Variants in TMEM150B observed in about 807,000 individuals in gnomAD.
The protein encoded by TMEM150B is transmembrane protein 150B.
Under a neutral mutation model 25.2 loss-of-function variants are expected in TMEM150B, and 33 were observed. That is an observed-to-expected ratio of 1.31 (90% CI 0.99 to 1.75). The LOEUF is 1.75. Among genes scored for constraint, TMEM150B ranks in the 40% most tolerant of loss-of-function variants. The pLI is 0.00. For missense variants in TMEM150B, 322 were observed against 306.1 expected (o/e 1.05, Z -0.39); for synonymous variants, 133 against 134.8 (o/e 0.99, Z 0.09).
downstream of TMEM150B, among the ~76,000 whole-genome samples, chr19:55,311,161 C>T (rs1269108136): frequency 6.6e-6 from 1 of 152,114 alleles, no homozygotes; most frequent in Admixed American, 6.5e-5. Flanking sequence ...GGGGTTTCAC[C>T]ATGTTGGCCA....
At position 55,316,940 on chromosome 19, in the gene TMEM150B, C is replaced by G; in HGVS notation, c.351G>C (p.Leu117Phe). Residue 117 changes from leucine to phenylalanine, a missense_variant, in exon 7 of 8, where the codon TTG becomes TTC. By Grantham distance (22) the Leu-to-Phe change is conservative. Coordinates refer to ENST00000326652, the MANE Select transcript of TMEM150B (RefSeq NM_001282011.2). The part of the protein sequence containing the change: ...FQEKNQRPTH[L>F]AGAFLAFILG... ...AGATGAAGGCAAGGAAGGCCCCTGC[C>G]AAGTGCGTAGGCCGCTGGTTCTTTT... 6.2e-7 allele frequency: 1 copy of G among 1,605,168 alleles called. No homozygotes were observed. Among genetic ancestry groups the G allele is most frequent in the East Asian group, 2.2e-5 (1 of 44,494 alleles).
chr19:55,320,273 C>T (rs1159556883), intron 5 of TMEM150B, 107 bp from the exon 6 acceptor site: 2 of 1,516,214 alleles, frequency 1.3e-6, no homozygotes, highest in East Asian at 2.3e-5. Context: ...GGCAAACTCC[C>T]GGATTTTGGG....
rs376782617 is a variant in TMEM150B at position 55,312,961 on chromosome 19, G to A, written c.600C>T (p.Ala200=). 1,108 of 1,613,572 alleles carry A rather than the reference G, an allele frequency of 6.9e-4. 1 individual carries two copies. Among genetic ancestry groups the A allele is most frequent in the Non-Finnish European group, 8.7e-4 (1,028 of 1,179,842 alleles). ...MLLFALFGLL[A]VDFSALESCT... is the part of the protein sequence containing the mutation. The stretch of plus-strand genomic sequence containing the variant: ...AGCTCTCCAGGGCGGAGAAGTCAAC[G>A]GCTAAGAGACCGAAGAGCGCGAACA... The change falls in exon 8 of 8, where the codon GCC becomes GCT. Residue 200 remains alanine (A), a synonymous_variant. Transcript: ENST00000326652.
chr19:55,314,958 A>G (rs953676062), intron 7 of TMEM150B, among the ~76,000 whole-genome samples: 1 of 152,180 alleles, frequency 6.6e-6, no homozygotes, highest in African/African-American at 2.4e-5. Flanking sequence ...ACAAATGAGA[A>G]AGACCCCCCA....
downstream of TMEM150B, chr19:55,312,115 G>A (rs568641748): frequency 1.7e-5 from 14 of 815,674 alleles, no homozygotes; most frequent in Middle Eastern, 7.6e-4. Context: ...CCCCCCTTCC[G>A]TGCCCCCCAA....
intron 6 of TMEM150B, among the ~76,000 whole-genome samples, chr19:55,317,298 C>T (rs1465106326): frequency 6.6e-6 from 1 of 152,122 alleles, no homozygotes; most frequent in Non-Finnish European, 1.5e-5. Context: ...TTAAATATTA[C>T]AATTGTATGT....
chr19:55,320,178 G>C lies in TMEM150B; in HGVS notation c.197-12C>G, dbSNP rs536223140. 15 of 1,613,102 alleles carry C rather than the reference G, an allele frequency of 9.3e-6. No individual in the cohort carries two copies. Among genetic ancestry groups the C allele is most frequent in the Non-Finnish European group, 1.2e-5 (14 of 1,179,398 alleles). On this transcript the variant is annotated splice_polypyrimidine_tract_variant and intron_variant, in intron 5 of 7. Transcript: ENST00000326652. ...GCAGATCCACGCGGCTGGGAGTAGA[G>C]GGGAGAAGGAAGTGGGAGGGAGACC...
intron 6 of TMEM150B, 59 bp from the exon 7 acceptor site, chr19:55,317,025 A>C: frequency 6.6e-7 from 1 of 1,514,076 alleles, no homozygotes; most frequent in Admixed American, 2.5e-5. Flanking sequence ...AAGGGGCACC[A>C]GAGGGGCCAG....
chr19:55,310,711 A>C (rs1312314710), downstream of TMEM150B, among the ~76,000 whole-genome samples: 1 of 152,180 alleles, frequency 6.6e-6, no homozygotes, highest in Non-Finnish European at 1.5e-5. The surrounding 1 kb of genome is among the most constrained non-coding windows in gnomAD (Gnocchi z 5.0). Context: ...CCCAAATGGC[A>C]GTCGTGCTGA....
chr19:55,310,667 C>T (rs755773944), downstream of TMEM150B, among the ~76,000 whole-genome samples: 9 of 152,182 alleles, frequency 5.9e-5, no homozygotes, highest in Non-Finnish European at 8.8e-5. The surrounding 1 kb of genome is among the most constrained non-coding windows in gnomAD (Gnocchi z 5.0). Flanking sequence ...AAACACCCTA[C>T]AATTCACAGA....
At chr19:55,314,977 T>G (rs1489255312) in intron 7 of TMEM150B, among the ~76,000 whole-genome samples, 1 of 151,996 alleles carries the variant, frequency 6.6e-6, no homozygotes, top group Non-Finnish European at 1.5e-5. Flanking sequence ...CAAGGCTGGG[T>G]TTTCAGCCCC....
At position 55,320,874 on chromosome 19, in the gene TMEM150B, A is replaced by C. The variant is rs1015945777; in HGVS notation, c.68+95T>G. On this transcript the variant is annotated intron_variant, in intron 3 of 7. Transcript: ENST00000326652. ...CCTCCTCCCTCAGATCCAGGGATCC[A>C]GGCCCCCAACCCCTTCCTCCCTCAG... The C allele has an allele frequency of 3.5e-6, 5 of 1,439,788 alleles. No homozygotes were observed. In the African/African-American group the frequency reaches 7.3e-5, roughly 21 times the overall value. The allele number at this position is 1,439,788 out of a possible 1,614,324, so 89.2% of individuals were successfully genotyped here.
At chr19:55,312,091 G>C, downstream of TMEM150B, 1 of 1,342,812 alleles carries the variant, frequency 7.4e-7, no homozygotes, top group Non-Finnish European at 9.8e-7. Context: ...GGGGAGGGAG[G>C]GGACCCCCCT....
Position 55,312,878 on chromosome 19 carries a change from G to T in TMEM150B, c.683C>A (p.Ser228Tyr). ...SLSPPPASPI[S>Y]LPVQL The stretch of plus-strand genomic sequence containing the variant: ...TGCCTGCTACAGCTGGACCGGCAGG[G>T]AGATGGGGGAGGCCGGCGGGGGGCT... The change falls in exon 8 of 8, where the codon TCC (serine) becomes TAC (tyrosine). Residue 228 changes from serine to tyrosine, a missense_variant. Ser to Tyr is a moderately radical substitution (Grantham distance 144, BLOSUM62 -2). Transcript: ENST00000326652. The T allele has an allele frequency of 6.3e-7, 1 of 1,596,546 alleles. No individual in the cohort carries two copies. The highest frequency in any genetic ancestry group is 8.5e-7 in the Non-Finnish European group (1 of 1,172,730).
At chr19:55,319,849 C>T in intron 6 of TMEM150B, 190 bp downstream of exon 6, 2 of 1,421,634 alleles carry the variant, frequency 1.4e-6, no homozygotes, top group East Asian at 5.1e-5. Context: ...CAGCCTCGCT[C>T]GTAGTGCCCC....
chr19:55,313,198 G>C (rs771268518), intron 7 of TMEM150B, 143 bp from the exon 8 acceptor site: 213 of 830,420 alleles, frequency 2.6e-4, no homozygotes, highest in Admixed American at 6.3e-4. Context: ...CCTCACAGAC[G>C]GGGCCTCGCC....
At chr19:55,314,073 A>G (rs1011187953) in intron 7 of TMEM150B, among the ~76,000 whole-genome samples, 4 of 152,114 alleles carry the variant, frequency 2.6e-5, no homozygotes, top group Non-Finnish European at 5.9e-5. Flanking sequence ...CCAGGCTGGA[A>G]TGCAGTGGCG....
intron 1 of TMEM150B, among the ~76,000 whole-genome samples, chr19:55,323,981 A>G (rs1477917291): frequency 7.2e-6 from 1 of 139,506 alleles, no homozygotes; most frequent in Non-Finnish European, 1.5e-5. Context: ...TAATTTTTGC[A>G]TTTTTTGATA....
rs191786360 is a variant in TMEM150B, at chr19:55,313,032, G to A, written c.529C>T (p.Leu177=). The A allele has an allele frequency of 5.0e-5, 80 of 1,612,508 alleles. No individual in the cohort carries two copies. Among genetic ancestry groups the A allele is most frequent in the Non-Finnish European group, 6.7e-5 (79 of 1,179,560 alleles). ...VAMIVLHACS[L]RSVSAACEWV... ...TCGCAGGCCGCAGAGACGCTACGCA[G>A]CGAGCAGGCGTGGAGGACGATCACT... Residue 177 remains leucine (L), a synonymous_variant, in exon 8 of 8, where the codon CTG becomes TTG. Coordinates refer to ENST00000326652, the MANE Select transcript of TMEM150B (RefSeq NM_001282011.2).
Sources: gnomAD v4.1 joint callset for allele counts (sites outside exome capture counted in the v4.1 genomes callset) on GRCh38, gnomAD v4.1.1 for gene constraint, Gnocchi (gnomAD v3.1) non-coding constraint, MANE v1.5 for transcripts, NCBI Gene and HGNC (gene_info 2026-07-23, HGNC 2026-07-21) for gene names.